Variants in FUT8 observed in about 807,000 individuals in gnomAD.
The protein encoded by FUT8 is fucosyltransferase 8, also known as alpha-(1,6)-fucosyltransferase.
Under a neutral mutation model 71.3 loss-of-function variants are expected in FUT8, and 29 were observed. That is an observed-to-expected ratio of 0.41 (90% CI 0.30 to 0.55). The LOEUF (loss-of-function observed/expected upper bound fraction) is 0.55, where lower values mean the gene tolerates loss of function less well. Among genes scored for constraint, FUT8 ranks in the 20% least tolerant of loss-of-function variants. The pLI is 0.34. For synonymous variants in FUT8, 254 were observed against 239.3 expected (o/e 1.06, Z -0.57); for missense variants, 544 against 702.1 (o/e 0.77, Z 2.55).
chr14:65,437,519 G>A (rs1999725), intron 1 of FUT8, among the ~76,000 whole-genome samples: 97,734 of 151,932 alleles, frequency 0.64, 31,611 homozygotes, highest in East Asian at 0.77. Flanking sequence ...TGTCATGCTT[G>A]TGTTAAAGAA....
intron 7 of FUT8, among the ~76,000 whole-genome samples, chr14:65,693,502 G>A (rs370713852): frequency 1.3e-5 from 2 of 152,208 alleles, no homozygotes; most frequent in African/African-American, 2.4e-5. Context: ...CAGGGAGACC[G>A]TGGAAAGAGA....
intron 3 of FUT8, among the ~76,000 whole-genome samples, chr14:65,581,849 A>G (rs1249760460): frequency 6.6e-6 from 1 of 152,142 alleles, no homozygotes; most frequent in Non-Finnish European, 1.5e-5. Flanking sequence ...TAGCAAGAAG[A>G]TATTTATGAC....
intron 2 of FUT8, among the ~76,000 whole-genome samples, chr14:65,506,894 G>A (rs1266013916): frequency 2.6e-5 from 4 of 152,198 alleles, no homozygotes; most frequent in African/African-American, 9.7e-5. Context: ...CCCTGACCCG[G>A]CCACGGATGA....
At chr14:65,361,664 T>G in the FUT8 span, among the ~76,000 whole-genome samples, 1 of 152,138 alleles carries the variant, frequency 6.6e-6, no homozygotes, top group Non-Finnish European at 1.5e-5. Flanking sequence ...GGCATGTGCC[T>G]GTATTCCCAG....
chr14:65,729,967 A>G (rs1431450704), intron 9 of FUT8, among the ~76,000 whole-genome samples: 1 of 151,518 alleles, frequency 6.6e-6, no homozygotes, highest in East Asian at 1.9e-4. Context: ...GATTTAAATG[A>G]TGGGTTTTTT....
chr14:65,427,667 C>T (rs1410763342), intron 1 of FUT8, among the ~76,000 whole-genome samples: 1 of 152,066 alleles, frequency 6.6e-6, no homozygotes, highest in East Asian at 1.9e-4. Flanking sequence ...TACCGAATTC[C>T]TTCTTAGTAA....
intron 3 of FUT8, among the ~76,000 whole-genome samples, chr14:65,601,563 T>C (rs1305817772): frequency 6.6e-6 from 1 of 152,200 alleles, no homozygotes; most frequent in African/African-American, 2.4e-5. Flanking sequence ...AATTTTTTCT[T>C]ATTATCATGT....
rs1885227015 is a variant in FUT8 at position 65,550,488 on chromosome 14, A to C, written c.-227-10849A>C. On this transcript the variant is annotated intron_variant, in intron 2 of 10. Coordinates refer to ENST00000673929, the MANE Select transcript of FUT8 (RefSeq NM_001371533.1). This position sits in a 1 kb window ranked among gnomAD's most constrained non-coding sequence, Gnocchi z 4.5. Reference sequence around the variant, plus strand: ...GAATACTTTACTGAAAGTGAAGAACAAAATGGTTGTAGGGTTACTCAGAGT... The same window carrying C: ...GAATACTTTACTGAAAGTGAAGAACCAAATGGTTGTAGGGTTACTCAGAGT... Among the ~76,000 whole-genome samples, 1 of 152,232 alleles carries C rather than the reference A, an allele frequency of 6.6e-6. No individual in the cohort carries two copies. Among genetic ancestry groups the C allele is most frequent in the Non-Finnish European group, 1.5e-5 (1 of 68,044 alleles).
chr14:65,537,015 T>C (rs936359331), intron 2 of FUT8, among the ~76,000 whole-genome samples: 16 of 98,918 alleles, frequency 1.6e-4, no homozygotes, highest in Admixed American at 1.5e-3. Flanking sequence ...AAAGCCAGTC[T>C]TCAAGTTCTA....
intron 2 of FUT8, among the ~76,000 whole-genome samples, chr14:65,547,535 A>G (rs1885048542): frequency 6.6e-6 from 1 of 151,650 alleles, no homozygotes; most frequent in Admixed American, 6.6e-5. Context: ...TTTTATTTGT[A>G]TTTACCCATA....
intron 1 of FUT8, among the ~76,000 whole-genome samples, chr14:65,451,323 A>C (rs1377742438): frequency 6.6e-6 from 1 of 152,230 alleles, no homozygotes; most frequent in Non-Finnish European, 1.5e-5. Context: ...GAGTGCGCAT[A>C]TGAGTGGGTG....
chr14:65,693,526 C>T (rs992360783), intron 7 of FUT8, among the ~76,000 whole-genome samples: 4 of 151,838 alleles, frequency 2.6e-5, no homozygotes, highest in South Asian at 2.1e-4. Flanking sequence ...AGAGGGAGAC[C>T]GTGGGGAGAG....
intron 6 of FUT8, 52 bp downstream of exon 6, chr14:65,629,658 A>G: frequency 3.2e-6 from 4 of 1,238,866 alleles, no homozygotes; most frequent in Non-Finnish European, 4.8e-6. Context: ...AAGGATCATA[A>G]TATAACTAAG....
At chr14:65,662,383 C>G (rs996727362) in intron 6 of FUT8, among the ~76,000 whole-genome samples, 1 of 151,982 alleles carries the variant, frequency 6.6e-6, no homozygotes. Flanking sequence ...CAGACCTTGT[C>G]TCAAAAATAA....
At chr14:65,566,541 GAC>G (rs1220376657) in intron 3 of FUT8, among the ~76,000 whole-genome samples, 1 of 152,012 alleles carries the variant, frequency 6.6e-6, no homozygotes, top group African/African-American at 2.4e-5. Flanking sequence ...GCAGAGGAAT[GAC>G]ACAGTGAAAA....
the FUT8 span, among the ~76,000 whole-genome samples, chr14:65,394,683 A>T: frequency 3.9e-5 from 6 of 152,198 alleles, no homozygotes; most frequent in African/African-American, 1.2e-4. Flanking sequence ...TCCAAATGGG[A>T]AAAATTGGCC....
At chr14:65,717,239 C>T (rs1164795603) in intron 7 of FUT8, among the ~76,000 whole-genome samples, 4 of 115,986 alleles carry the variant, frequency 3.4e-5, no homozygotes, top group East Asian at 5.9e-4. Context: ...CGGGCAGAGG[C>T]GCTCCTCACC....
intron 2 of FUT8, among the ~76,000 whole-genome samples, chr14:65,480,299 ATTTTTT>A (rs5809276): frequency 2.5e-4 from 24 of 96,956 alleles, no homozygotes; most frequent in East Asian, 1.3e-3. Context: ...ATGAACTGTG[ATTTTTT>A]TTTTTTTTTT....
At chr14:65,412,372 C>T (rs1196142688), upstream of FUT8, 4 of 455,048 alleles carry the variant, frequency 8.8e-6, no homozygotes, top group Non-Finnish European at 1.8e-5. Context: ...CTGGCACGGG[C>T]CGGTCCATTC....
Sources: allele counts gnomAD v4.1 joint callset (sites outside exome capture counted in the v4.1 genomes callset), GRCh38; gene constraint gnomAD v4.1.1; non-coding constraint Gnocchi (gnomAD v3.1); transcripts MANE v1.5; gene names NCBI Gene and HGNC (gene_info 2026-07-23, HGNC 2026-07-21).